PEX14: variants seen among roughly 807,000 people sequenced by gnomAD.
The protein encoded by PEX14 is peroxisomal biogenesis factor 14.
A neutral mutation model predicts 49.5 loss-of-function variants in PEX14; 15 were observed. That is an observed-to-expected ratio of 0.30 (90% confidence interval 0.20 to 0.47). The LOEUF (loss-of-function observed/expected upper bound fraction) is 0.47, where lower values mean the gene tolerates loss of function less well. Ranked by LOEUF, PEX14 falls within the 20% of genes least tolerant of loss-of-function variation. The probability of loss-of-function intolerance (pLI) is 1.00; values close to 1 mark genes in which losing one functional copy is unlikely to be tolerated. For missense variants in PEX14, 398 were observed against 494.8 expected (o/e 0.80, Z 1.86); for synonymous variants, 210 against 212.7 (o/e 0.99, Z 0.11).
rs1422018400 is a variant in PEX14, at chr1:10,494,608, G to A, written c.37-666G>A. ...GGAAACGGGCTAGAGCCAGGGCCTC[G>A]GCCACAGTGCTGCCTGCTCGCCTGG... On this transcript the variant is annotated intron_variant, in intron 1 of 8. Coordinates refer to ENST00000356607, the MANE Select transcript of PEX14 (RefSeq NM_004565.3). This position sits in a 1 kb window ranked among gnomAD's most constrained non-coding sequence, Gnocchi z 4.3. 2.0e-5 allele frequency among the ~76,000 whole-genome samples: 3 copies of A among 152,194 alleles called. No homozygotes were observed. The highest frequency in any genetic ancestry group is 4.4e-5 in the Non-Finnish European group (3 of 68,038).
intron 3 of PEX14, among the ~76,000 whole-genome samples, chr1:10,537,765 A>C (rs181426894): frequency 1.8e-4 from 28 of 152,132 alleles, no homozygotes; most frequent in African/African-American, 5.5e-4. Context: ...GCACTTCCCC[A>C]CCGCAGGCTT....
chr1:10,536,363 C>T, intron 3 of PEX14, 66 bp downstream of exon 3: 1 of 997,972 alleles, frequency 1.0e-6, no homozygotes, highest in South Asian at 1.3e-5. Context: ...AGATGGAAGC[C>T]ACGGTGCAAG....
intron 5 of PEX14, among the ~76,000 whole-genome samples, chr1:10,618,843 C>T (rs1349088038): frequency 6.6e-6 from 1 of 152,246 alleles, no homozygotes; most frequent in Non-Finnish European, 1.5e-5. Context: ...TTGGTGATCA[C>T]AGGCTCTGGT....
intron 4 of PEX14, among the ~76,000 whole-genome samples, chr1:10,605,198 T>G (rs1363579965): frequency 6.6e-6 from 1 of 152,104 alleles, no homozygotes; most frequent in African/African-American, 2.4e-5. Flanking sequence ...GAAATGTGCT[T>G]GAGAATGGAA....
chr1:10,537,291 G>C (rs1476673560), intron 3 of PEX14, among the ~76,000 whole-genome samples: 2 of 133,690 alleles, frequency 1.5e-5, no homozygotes, highest in Non-Finnish European at 3.1e-5. Context: ...CCCTGCGACA[G>C]AGTTGGTAAG....
At chr1:10,540,010 C>T (rs1638954842) in intron 3 of PEX14, among the ~76,000 whole-genome samples, 1 of 152,204 alleles carries the variant, frequency 6.6e-6, no homozygotes, top group Non-Finnish European at 1.5e-5. Flanking sequence ...GTGTCCTTCT[C>T]AAGTGTCTAA....
At chr1:10,624,066 C>T (rs1641672971) in intron 6 of PEX14, among the ~76,000 whole-genome samples, 1 of 152,158 alleles carries the variant, frequency 6.6e-6, no homozygotes, top group Admixed American at 6.5e-5. Flanking sequence ...AAATCATAGC[C>T]AGCTCTAATT....
chr1:10,477,475 A>G (rs1641216096), intron 1 of PEX14, among the ~76,000 whole-genome samples: 1 of 152,224 alleles, frequency 6.6e-6, no homozygotes. Flanking sequence ...TTCATTTTCA[A>G]GTCTTGATCA....
At chr1:10,553,775 T>C (rs1639401992) in intron 3 of PEX14, among the ~76,000 whole-genome samples, 1 of 152,182 alleles carries the variant, frequency 6.6e-6, no homozygotes. Context: ...CCTCATCTGC[T>C]CTTCCCTGAG....
chr1:10,605,749 G>A (rs1014433779), intron 4 of PEX14, among the ~76,000 whole-genome samples: 1 of 152,180 alleles, frequency 6.6e-6, no homozygotes, highest in East Asian at 1.9e-4. Context: ...TTTCTCTGCT[G>A]GTTTAGCAGA....
Position 10,495,469 on chromosome 1 carries a change from A to G in PEX14, c.84+148A>G, listed in dbSNP as rs1641543022. On this transcript the variant is annotated intron_variant, in intron 2 of 8. Coordinates refer to ENST00000356607, the MANE Select transcript of PEX14 (RefSeq NM_004565.3). The surrounding 1 kb of genome is among the most constrained non-coding windows in gnomAD (Gnocchi z 4.2). ...AGACTGCCTCTGTCAGTGACCTCTGACTTCTCTTCTCGCGTGTGGGGACGA... is the reference window on the plus strand; with the variant it reads ...AGACTGCCTCTGTCAGTGACCTCTGGCTTCTCTTCTCGCGTGTGGGGACGA... The G allele has an allele frequency of 2.8e-6, 2 of 712,082 alleles. No individual in the cohort carries two copies. Among genetic ancestry groups the G allele is most frequent in the Admixed American group, 2.0e-5 (1 of 48,816 alleles). 44.1% of individuals were successfully genotyped at this position (712,082 alleles called of 1,614,324 possible). A position where few individuals can be genotyped will look rare whatever the true frequency, so the allele number is the denominator to read the frequency against.
At chr1:10,565,135 C>T (rs550893132) in intron 3 of PEX14, among the ~76,000 whole-genome samples, 2 of 152,180 alleles carry the variant, frequency 1.3e-5, no homozygotes, top group Non-Finnish European at 2.9e-5. Flanking sequence ...AACTCCTGAC[C>T]TCGTGATCTG....
intron 3 of PEX14, among the ~76,000 whole-genome samples, chr1:10,563,161 T>C (rs1018827314): frequency 6.7e-6 from 1 of 148,570 alleles, no homozygotes; most frequent in Non-Finnish European, 1.5e-5. Context: ...TGCGATCCAC[T>C]GACCTTGGCC....
chr1:10,578,075 T>G (rs1264529993), intron 3 of PEX14, among the ~76,000 whole-genome samples: 5 of 152,018 alleles, frequency 3.3e-5, no homozygotes, highest in African/African-American at 1.2e-4. Flanking sequence ...AGGGGATATT[T>G]TGAGACTGTG....
intron 2 of PEX14, among the ~76,000 whole-genome samples, chr1:10,534,746 T>C (rs747131768): frequency 6.6e-6 from 1 of 152,198 alleles, no homozygotes; most frequent in Non-Finnish European, 1.5e-5. Context: ...GACACTAGTA[T>C]GTCCTGTTGG....
At chr1:10,560,098 C>T (rs1374461490) in intron 3 of PEX14, among the ~76,000 whole-genome samples, 1 of 151,448 alleles carries the variant, frequency 6.6e-6, no homozygotes, top group Non-Finnish European at 1.5e-5. Context: ...ACTTTTGTTG[C>T]TCAGGCTGGA....
At chr1:10,553,912 C>A (rs1008908594) in intron 3 of PEX14, among the ~76,000 whole-genome samples, 4 of 152,088 alleles carry the variant, frequency 2.6e-5, no homozygotes, top group African/African-American at 9.7e-5. Flanking sequence ...CGGTTAGTTC[C>A]CTGACCTTGC....
At chr1:10,476,926 T>C (rs1379972795) in intron 1 of PEX14, among the ~76,000 whole-genome samples, 2 of 152,154 alleles carry the variant, frequency 1.3e-5, no homozygotes, top group South Asian at 4.1e-4. Flanking sequence ...ATGTATTTAA[T>C]AGAAAAGGAT....
chr1:10,523,150 T>C (rs1377037164), intron 2 of PEX14, among the ~76,000 whole-genome samples: 1 of 152,198 alleles, frequency 6.6e-6, no homozygotes, highest in African/African-American at 2.4e-5. Context: ...TGTCACATCT[T>C]TGTTTGGTGT....
Sources: allele counts gnomAD v4.1 joint callset (sites outside exome capture counted in the v4.1 genomes callset), GRCh38; gene constraint gnomAD v4.1.1; non-coding constraint Gnocchi (gnomAD v3.1); transcripts MANE v1.5; gene names NCBI Gene and HGNC (gene_info 2026-07-23, HGNC 2026-07-21).